The following PCDHA5 variants were observed in gnomAD, a reference collection of about 807,000 sequenced individuals.
The protein encoded by PCDHA5 is protocadherin alpha 5.
Under a neutral mutation model 61.6 loss-of-function variants are expected in PCDHA5, and 43 were observed. The ratio of observed to expected loss-of-function variants is 0.70; its 90% CI spans 0.55 to 0.90. PCDHA5 has a LOEUF of 0.90. PCDHA5 is among the 40% of genes least tolerant of loss of function. The pLI, the probability that PCDHA5 is intolerant of heterozygous loss-of-function variation, is 0.00. For synonymous variants in PCDHA5, 627 were observed against 543.9 expected (o/e 1.15, Z -2.13); for missense variants, 1,298 against 1,222.7 (o/e 1.06, Z -0.92).
chr5:140,875,629 G>A, intron 1 of PCDHA5: 1 of 1,613,758 alleles, frequency 6.2e-7, no homozygotes, highest in Non-Finnish European at 8.5e-7. Flanking sequence ...TCAGGACCTG[G>A]GGCTGGAGCT....
At chr5:140,955,343 A>G (rs1031411707) in intron 1 of PCDHA5, among the ~76,000 whole-genome samples, 16 of 152,134 alleles carry the variant, frequency 1.1e-4, no homozygotes, top group African/African-American at 3.9e-4. Context: ...TAATCCCCAC[A>G]TGTTGTGAGA....
chr5:140,969,225 C>G (rs782766938), intron 1 of PCDHA5: 13 of 1,614,118 alleles, frequency 8.1e-6, no homozygotes, highest in Admixed American at 1.7e-5. Flanking sequence ...CCAGGGCCTT[C>G]GGGAGCCCAA....
At chr5:140,884,509 T>C (rs781917095) in intron 1 of PCDHA5, 3 of 1,612,704 alleles carry the variant, frequency 1.9e-6, no homozygotes, top group Non-Finnish European at 1.7e-6. Flanking sequence ...CGGCAGGGAG[T>C]TGGTCGTACT....
In PCDHA5 at chr5:140,993,460, TCTCACACA is replaced by T. The variant is rs782648313; in HGVS notation, c.2500+10899_2500+10906del. Among the ~76,000 whole-genome samples, 169 of 104,562 alleles carry T rather than the reference TCTCACACA, an allele frequency of 1.6e-3. 1 individual carries two copies. Among genetic ancestry groups the T allele is most frequent in the East Asian group, 0.012 (43 of 3,448 alleles). 68.6% of individuals were successfully genotyped at this position (104,562 alleles called of 152,430 possible). On this transcript the variant is annotated intron_variant, in intron 3 of 3. Coordinates refer to ENST00000529859, the MANE Select transcript of PCDHA5 (RefSeq NM_018908.3). ...TTCATTCCTGTTCTCCTTCTTTCTT[TCTCACACA>T]CACACACACACACACACACACACAC...
In PCDHA5 at chr5:140,849,449, C is replaced by T. The variant is rs200997092; in HGVS notation, c.2352+25322C>T. 81 of 1,586,124 alleles carry T rather than the reference C, an allele frequency of 5.1e-5. 9 individuals carry two copies. The highest frequency in any genetic ancestry group is 3.8e-4 in the Middle Eastern group (2 of 5,312). On this transcript the variant is annotated intron_variant, in intron 1 of 3. Coordinates refer to ENST00000529859, the MANE Select transcript of PCDHA5 (RefSeq NM_018908.3). ...TTGAAGAAAGTAGAGCACACAAGAT[C>T]CCAGTCGAGGCTGTCGATAAAGGCT...
rs1486746921 is a variant in PCDHA5 at position 141,009,728 on chromosome 5, G to A, written c.2602G>A (p.Gly868Ser). Residue 868 changes from glycine (G) to serine (S), a missense_variant, in exon 4 of 4, where the codon GGT becomes AGT. Gly to Ser is a moderately conservative substitution (Grantham distance 56). Coordinates refer to ENST00000529859, the MANE Select transcript of PCDHA5 (RefSeq NM_018908.3). The part of the protein sequence containing the change: ...GPGNPKQSGP[G>S]ELPDKFIIPG... ...AGGCAACCCCAAACAATCCGGTCCC[G>A]GTGAGTTGCCCGACAAATTCATTAT... The A allele has an allele frequency of 3.1e-6, 5 of 1,613,998 alleles. No homozygotes were observed. The highest frequency in any genetic ancestry group is 2.2e-5 in the East Asian group (1 of 44,874).
Position 141,012,283 on chromosome 5 carries a change from AT to A in PCDHA5, c.*2350del, listed in dbSNP as rs1313163740. 6.5e-6 allele frequency: 1 copy of A among 153,798 alleles called. No homozygotes were observed. Among genetic ancestry groups the A allele is most frequent in the Non-Finnish European group, 1.5e-5 (1 of 68,046 alleles). The allele number at this position is 153,798 out of a possible 1,614,324, so 9.5% of individuals were successfully genotyped here. ...AGGATAAAACACGTCATGTGGATTC[AT>A]TTTGAATTGGTGCTATTGGTATTTC... On this transcript the variant is annotated 3_prime_UTR_variant, in exon 4 of 4. Coordinates refer to ENST00000529859, the MANE Select transcript of PCDHA5 (RefSeq NM_018908.3).
rs148598290 is a variant in PCDHA5, at chr5:140,857,464, C to G, written c.2352+33337C>G. 181 of 1,598,526 alleles carry G rather than the reference C, an allele frequency of 1.1e-4. 14 individuals carry two copies. Among genetic ancestry groups the G allele is most frequent in the Non-Finnish European group, 1.1e-4 (129 of 1,167,932 alleles). On this transcript the variant is annotated intron_variant, in intron 1 of 3. Transcript: ENST00000529859. ...AGGAGAACAACCCGCCAGGCTGCCA[C>G]ATCTTCACGGTGTCTGCGTGGGACG...
chr5:140,853,649 T>C (rs2042817758), intron 1 of PCDHA5: 2 of 988,760 alleles, frequency 2.0e-6, no homozygotes, highest in African/African-American at 1.8e-5. Flanking sequence ...AAATTGAGCC[T>C]GTTCCAGACA....
intron 1 of PCDHA5, chr5:140,871,353 G>T: frequency 6.2e-7 from 1 of 1,614,214 alleles, no homozygotes; most frequent in Non-Finnish European, 8.5e-7. Flanking sequence ...GGTCATACTC[G>T]CAGCAGAGGC....
At chr5:140,950,083 T>C (rs1361884165) in intron 1 of PCDHA5, among the ~76,000 whole-genome samples, 1 of 152,002 alleles carries the variant, frequency 6.6e-6, no homozygotes, top group Non-Finnish European at 1.5e-5. Context: ...GCTTATGCTA[T>C]AGTTTTCATT....
chr5:140,945,620 C>T (rs1451535910), intron 1 of PCDHA5, among the ~76,000 whole-genome samples: 2 of 152,092 alleles, frequency 1.3e-5, no homozygotes, highest in African/African-American at 4.8e-5. Context: ...CAGCATGGTA[C>T]TGGCATAAAA....
intron 1 of PCDHA5, among the ~76,000 whole-genome samples, chr5:140,936,534 T>C (rs1327354780): frequency 1.3e-5 from 2 of 152,230 alleles, no homozygotes; most frequent in African/African-American, 2.4e-5. Context: ...TGCTTTTGAA[T>C]ATAGTGCAAT....
chr5:140,909,255 C>G (rs1583695279), intron 1 of PCDHA5, among the ~76,000 whole-genome samples: 1 of 152,210 alleles, frequency 6.6e-6, no homozygotes, highest in African/African-American at 2.4e-5. Context: ...GCTGGCCTTG[C>G]TGACTGAAGG....
At chr5:140,871,172 C>A in intron 1 of PCDHA5, 1 of 1,613,546 alleles carries the variant, frequency 6.2e-7, no homozygotes, top group South Asian at 1.1e-5. Context: ...AGCCCAGAGG[C>A]TGCGCTGGTG....
At position 140,824,063 on chromosome 5, in the gene PCDHA5, C is replaced by T. The variant is rs2150131874; in HGVS notation, c.2288C>T (p.Pro763Leu). The stretch of plus-strand genomic sequence containing the variant: ...CAGAGGGTGTGCTCTGGGGAAGCTC[C>T]ACCCAAAACAGACCTCATGGCCTTC... Reference protein sequence around the residue: ...RRQRVCSGEAPPKTDLMAFSP... With the variant: ...RRQRVCSGEALPKTDLMAFSP... Residue 763 changes from proline (P) to leucine (L), a missense_variant, in exon 1 of 4, where the codon CCA (proline) becomes CTA (leucine). Physicochemically the swap from Pro to Leu is moderately conservative, Grantham distance 98 (BLOSUM62 -3). Transcript: ENST00000529859. The T allele has an allele frequency of 1.2e-6, 2 of 1,614,096 alleles. No individual in the cohort carries two copies. The highest frequency in any genetic ancestry group is 8.5e-7 in the Non-Finnish European group (1 of 1,180,038).
intron 1 of PCDHA5, among the ~76,000 whole-genome samples, chr5:140,896,094 AGC>A (rs2065382019): frequency 6.6e-6 from 1 of 152,148 alleles, no homozygotes; most frequent in Non-Finnish European, 1.5e-5. Context: ...TACAGGCGTG[AGC>A]CACTGTGCCT....
chr5:140,968,234 A>T (rs1426230655), intron 1 of PCDHA5: 1 of 1,613,870 alleles, frequency 6.2e-7, no homozygotes, highest in Non-Finnish European at 8.5e-7. Flanking sequence ...GTTGCTCTGT[A>T]CTGTGCAAGC....
chr5:140,987,120 A>G (rs1224513029), intron 3 of PCDHA5, among the ~76,000 whole-genome samples: 9 of 151,956 alleles, frequency 5.9e-5, no homozygotes, highest in African/African-American at 2.2e-4. Context: ...AGGCTGAGGC[A>G]GGAGAATTGC....
Sources: gnomAD v4.1 joint callset for allele counts (sites outside exome capture counted in the v4.1 genomes callset) on GRCh38, gnomAD v4.1.1 for gene constraint, MANE v1.5 for transcripts, NCBI Gene and HGNC (gene_info 2026-07-23, HGNC 2026-07-21) for gene names.